CTNNA3: variants seen among roughly 807,000 people sequenced by gnomAD.
The protein encoded by CTNNA3 is catenin alpha-3.
A neutral mutation model predicts 95.7 loss-of-function variants in CTNNA3; 76 were observed. The observed-to-expected ratio is 0.79, with a 90% CI of 0.66 to 0.96. The LOEUF is 0.96. Ranked by LOEUF, CTNNA3 falls within the 40% of genes least tolerant of loss-of-function variation. CTNNA3 has a pLI of 0.00. For missense variants in CTNNA3, 1,191 were observed against 1,089.8 expected, an observed-to-expected ratio of 1.09 and a Z score of -1.31; for synonymous variants, 431 against 374.4, an observed-to-expected ratio of 1.15 and a Z score of -1.74.
chr10:66,120,949 G>A (rs766187767), intron 13 of CTNNA3, among the ~76,000 whole-genome samples: 3 of 152,180 alleles, frequency 2.0e-5, no homozygotes, highest in Non-Finnish European at 4.4e-5. Context: ...GTATGCAACA[G>A]AAGCTGTGAA....
At chr10:66,800,671 TAAC>T (rs1202101879) in intron 7 of CTNNA3, among the ~76,000 whole-genome samples, 3 of 151,246 alleles carry the variant, frequency 2.0e-5, no homozygotes, top group Non-Finnish European at 3.0e-5. Context: ...AAAAAGTAGA[TAAC>T]AATCAGGAAA....
intron 3 of CTNNA3, among the ~76,000 whole-genome samples, chr10:67,598,923 A>G (rs1843001435): frequency 6.6e-6 from 1 of 152,158 alleles, no homozygotes. Context: ...ATGCTGAAGA[A>G]CCCAATAGAA....
intron 1 of CTNNA3, among the ~76,000 whole-genome samples, chr10:67,722,490 G>A (rs116086541): frequency 4.1e-4 from 62 of 152,282 alleles, no homozygotes; most frequent in African/African-American, 1.3e-3. Context: ...ATCTCAAAGA[G>A]AGAAAACAAT....
At chr10:66,411,485 G>T (rs1318960945) in intron 11 of CTNNA3, among the ~76,000 whole-genome samples, 2 of 151,728 alleles carry the variant, frequency 1.3e-5, no homozygotes, top group African/African-American at 4.8e-5. Context: ...TTATGAATAT[G>T]ATAATTACCA....
intron 6 of CTNNA3, among the ~76,000 whole-genome samples, 174 bp from the exon 7 acceptor site, chr10:67,180,694 A>C (rs1862496455): frequency 6.6e-6 from 1 of 152,208 alleles, no homozygotes; most frequent in South Asian, 2.1e-4. Context: ...ATTCTGATAA[A>C]TAATGAAAGT....
chr10:67,240,227 T>C (rs1219801610), intron 5 of CTNNA3, among the ~76,000 whole-genome samples: 1 of 152,224 alleles, frequency 6.6e-6, no homozygotes, highest in East Asian at 1.9e-4. Context: ...AAAGCCCATG[T>C]ATACTTTGCT....
At chr10:67,345,448 T>C (rs969787008) in intron 5 of CTNNA3, among the ~76,000 whole-genome samples, 8 of 152,154 alleles carry the variant, frequency 5.3e-5, no homozygotes, top group Admixed American at 1.3e-4. Context: ...TCTCCAGCTA[T>C]TATTAGGGGC....
At chr10:66,286,923 T>A (rs2091598078) in intron 12 of CTNNA3, among the ~76,000 whole-genome samples, 1 of 152,084 alleles carries the variant, frequency 6.6e-6, no homozygotes. Context: ...TTTACTTTTA[T>A]AAATTTATTT....
chr10:66,545,039 T>C (rs1841993758), intron 10 of CTNNA3, among the ~76,000 whole-genome samples: 2 of 152,058 alleles, frequency 1.3e-5, no homozygotes, highest in African/African-American at 4.8e-5. Context: ...CAAAATACAC[T>C]TATGTATGAA....
At chr10:66,284,655 A>C (rs2132171162) in intron 12 of CTNNA3, among the ~76,000 whole-genome samples, 1 of 152,098 alleles carries the variant, frequency 6.6e-6, no homozygotes, top group South Asian at 2.1e-4. Flanking sequence ...GGAATTAAAT[A>C]GGTCAGAAAA....
intron 13 of CTNNA3, among the ~76,000 whole-genome samples, chr10:66,237,737 T>C (rs1399707102): frequency 6.6e-6 from 1 of 152,070 alleles, no homozygotes; most frequent in Non-Finnish European, 1.5e-5. Flanking sequence ...TTTTTCAAAG[T>C]ATCAGTAATT....
At chr10:66,439,228 ACT>A (rs2093359480) in intron 11 of CTNNA3, among the ~76,000 whole-genome samples, 2 of 152,324 alleles carry the variant, frequency 1.3e-5, no homozygotes, top group African/African-American at 4.8e-5. Context: ...ATAAAGAAAT[ACT>A]TCATAAAGTA....
At chr10:66,306,668 A>G (rs2091938746) in intron 12 of CTNNA3, among the ~76,000 whole-genome samples, 1 of 152,228 alleles carries the variant, frequency 6.6e-6, no homozygotes, top group Admixed American at 6.5e-5. Context: ...TCATCTCACC[A>G]TAACGACCAT....
chr10:66,534,955 A>C (rs1452103497), intron 10 of CTNNA3, among the ~76,000 whole-genome samples: 1 of 152,096 alleles, frequency 6.6e-6, no homozygotes, highest in Non-Finnish European at 1.5e-5. Context: ...ACTCTATTGG[A>C]GAATTCTTCT....
chr10:66,729,551 A>G lies in CTNNA3; in HGVS notation c.1281+36713T>C, dbSNP rs1379228626. ...TGAAGTAACTCAGGAATGGAAAACC[A>G]AACATTGTATGTTCTCACTTATAAG... On this transcript the variant is annotated intron_variant, in intron 9 of 17. Coordinates refer to ENST00000433211, the MANE Select transcript of CTNNA3 (RefSeq NM_013266.4). Among the ~76,000 whole-genome samples the G allele has an allele frequency of 4.6e-5, 7 of 151,802 alleles. No individual in the cohort carries two copies. In the East Asian group the frequency reaches 1.4e-3, roughly 31 times the overall value.
At chr10:67,125,264 C>T (rs1859665554) in intron 7 of CTNNA3, among the ~76,000 whole-genome samples, 1 of 152,012 alleles carries the variant, frequency 6.6e-6, no homozygotes, top group Admixed American at 6.6e-5. Context: ...GGCATTTTCC[C>T]AGTGATGATG....
chr10:67,726,342 A>ATGAT (rs1564841014), intron 1 of CTNNA3, among the ~76,000 whole-genome samples: 2 of 57,480 alleles, frequency 3.5e-5, no homozygotes, highest in African/African-American at 7.3e-5. Context: ...TATTATATAT[A>ATGAT]ATATATGATA....
intron 13 of CTNNA3, among the ~76,000 whole-genome samples, chr10:66,184,875 A>G (rs921045990): frequency 1.1e-4 from 16 of 152,166 alleles, no homozygotes; most frequent in Non-Finnish European, 2.1e-4. Context: ...CACCAGATAC[A>G]CCTTTATTTA....
In CTNNA3 at chr10:67,570,697, G is replaced by A. The variant is rs1413141547; in HGVS notation, c.293-31028C>T. Among the ~76,000 whole-genome samples the A allele has an allele frequency of 3.3e-5, 5 of 152,274 alleles. No homozygotes were observed. In the East Asian group the frequency reaches 9.6e-4, roughly 29 times the overall value. ...GTCTTTACAAACTTTGCTATCTCTA[G>A]TGTCATCTGACTTGAACTCTCAGCA... On this transcript the variant is annotated intron_variant, in intron 3 of 17. Coordinates refer to ENST00000433211, the MANE Select transcript of CTNNA3 (RefSeq NM_013266.4).
Sources: allele counts gnomAD v4.1 joint callset (sites outside exome capture counted in the v4.1 genomes callset), GRCh38; gene constraint gnomAD v4.1.1; transcripts MANE v1.5; gene names NCBI Gene and HGNC (gene_info 2026-07-23, HGNC 2026-07-21).